Variants in FRAS1 observed in about 807,000 individuals in gnomAD.
FRAS1 encodes the protein Fraser extracellular matrix complex subunit 1.
Under a neutral mutation model 435.2 loss-of-function variants are expected in FRAS1, and 290 were observed. The ratio of observed to expected loss-of-function variants is 0.67; its 90% CI spans 0.61 to 0.73. The LOEUF (loss-of-function observed/expected upper bound fraction) is 0.73, where lower values mean the gene tolerates loss of function less well. FRAS1 is among the 30% of genes least tolerant of loss of function. The probability of loss-of-function intolerance (pLI) is 0.00; values close to 1 mark genes in which losing one functional copy is unlikely to be tolerated. For missense variants in FRAS1, 4,860 were observed against 5,001.5 expected, an observed-to-expected ratio of 0.97 and a Z score of 0.85; for synonymous variants, 1,800 against 1,851.0, an observed-to-expected ratio of 0.97 and a Z score of 0.71.
intron 2 of FRAS1, among the ~76,000 whole-genome samples, chr4:78,119,077 G>A (rs58969863): frequency 6.6e-6 from 1 of 151,926 alleles, no homozygotes; most frequent in Non-Finnish European, 1.5e-5. Flanking sequence ...AAAAATAATT[G>A]TATATATTCA....
intron 40 of FRAS1, 24 bp from the exon 41 acceptor site, chr4:78,441,136 ACT>A: frequency 1.9e-6 from 3 of 1,611,534 alleles, no homozygotes; most frequent in East Asian, 2.2e-5. Flanking sequence ...ATCACCAAGG[ACT>A]CTCTATGTTC....
At chr4:78,438,842 G>C (rs1734535472) in intron 39 of FRAS1, 60 bp from the exon 40 acceptor site, 1 of 1,526,528 alleles carries the variant, frequency 6.6e-7, no homozygotes, top group African/African-American at 1.4e-5. Flanking sequence ...CAAAGATGCT[G>C]CTGTCTTACC....
At chr4:78,334,304 A>C (rs1730073342) in intron 19 of FRAS1, among the ~76,000 whole-genome samples, 1 of 151,882 alleles carries the variant, frequency 6.6e-6, no homozygotes, top group South Asian at 2.1e-4. Flanking sequence ...ATAATTGAGA[A>C]TAAATTAGAG....
intron 2 of FRAS1, among the ~76,000 whole-genome samples, chr4:78,126,121 G>T (rs1158773975): frequency 6.6e-6 from 1 of 152,162 alleles, no homozygotes; most frequent in East Asian, 1.9e-4. Flanking sequence ...ATGCCCCTCT[G>T]CCTGCCAAGC....
chr4:78,412,315 GT>G (rs1733370705), intron 31 of FRAS1, among the ~76,000 whole-genome samples: 1 of 152,230 alleles, frequency 6.6e-6, no homozygotes, highest in African/African-American at 2.4e-5. Context: ...GAGAAAGAAG[GT>G]TTAAGAGGGT....
chr4:78,061,942 A>G (rs925294939), intron 1 of FRAS1, among the ~76,000 whole-genome samples: 1 of 152,180 alleles, frequency 6.6e-6, no homozygotes, highest in Non-Finnish European at 1.5e-5. Context: ...GTAACTTTGC[A>G]TCCTTTGGCT....
chr4:78,281,018 A>C (rs933505423), intron 10 of FRAS1, among the ~76,000 whole-genome samples: 15 of 152,318 alleles, frequency 9.8e-5, no homozygotes, highest in African/African-American at 3.1e-4. Context: ...TTTTGGAGAT[A>C]AACTCAGTGA....
intron 2 of FRAS1, among the ~76,000 whole-genome samples, chr4:78,224,268 A>T (rs1409813980): frequency 6.6e-6 from 1 of 152,252 alleles, no homozygotes; most frequent in Non-Finnish European, 1.5e-5. Flanking sequence ...CCTTGACGCC[A>T]GTCAGTCCTA....
intron 16 of FRAS1, 59 bp downstream of exon 16, chr4:78,315,793 C>T: frequency 6.3e-7 from 1 of 1,585,604 alleles, no homozygotes; most frequent in East Asian, 2.2e-5. Flanking sequence ...TTTGACTATA[C>T]TTGGTGTTAT....
intron 6 of FRAS1, among the ~76,000 whole-genome samples, chr4:78,259,492 G>A (rs1725969943): frequency 6.6e-6 from 1 of 151,750 alleles, no homozygotes; most frequent in South Asian, 2.1e-4. Context: ...TTTTTTGGCT[G>A]CATAAATGTC....
At chr4:78,187,895 G>T (rs1400043437) in intron 2 of FRAS1, among the ~76,000 whole-genome samples, 1 of 152,118 alleles carries the variant, frequency 6.6e-6, no homozygotes, top group African/African-American at 2.4e-5. Flanking sequence ...GAGCCACCAC[G>T]CCTGGCTCCT....
chr4:78,488,823 G>C, intron 58 of FRAS1, 52 bp from the exon 59 acceptor site: 1 of 1,537,138 alleles, frequency 6.5e-7, no homozygotes, highest in Admixed American at 1.8e-5. Context: ...CATGGCCACA[G>C]CTTCCCTGTC....
chr4:78,172,635 A>G (rs1022309309), intron 2 of FRAS1, among the ~76,000 whole-genome samples: 12 of 152,270 alleles, frequency 7.9e-5, no homozygotes, highest in African/African-American at 2.9e-4. Context: ...CTGACACTAA[A>G]CAACTAATTT....
At chr4:78,230,267 A>G (rs1418925817) in intron 2 of FRAS1, among the ~76,000 whole-genome samples, 1 of 152,220 alleles carries the variant, frequency 6.6e-6, no homozygotes, top group African/African-American at 2.4e-5. Flanking sequence ...CAAGCCTTTG[A>G]AATAGGTCTC....
intron 2 of FRAS1, among the ~76,000 whole-genome samples, chr4:78,177,145 T>A (rs537463895): frequency 6.6e-6 from 1 of 150,384 alleles, no homozygotes; most frequent in African/African-American, 2.5e-5. Flanking sequence ...TGGAGTGCAG[T>A]GGCGCTATCT....
At chr4:78,446,649 G>C (rs576494345) in intron 42 of FRAS1, 78 bp from the exon 43 acceptor site, 81 of 1,516,322 alleles carry the variant, frequency 5.3e-5, no homozygotes, top group Admixed American at 4.0e-4. Context: ...CTGTAGCAAT[G>C]ATACTGTCTC....
At chr4:78,384,950 A>G (rs956983236) in intron 28 of FRAS1, among the ~76,000 whole-genome samples, 1 of 151,808 alleles carries the variant, frequency 6.6e-6, no homozygotes, top group Non-Finnish European at 1.5e-5. Flanking sequence ...ATCTTTAGGT[A>G]AAGGAGTTTG....
chr4:78,199,593 CAATT>C (rs1456697234), intron 2 of FRAS1, among the ~76,000 whole-genome samples: 1 of 152,128 alleles, frequency 6.6e-6, no homozygotes, highest in African/African-American at 2.4e-5. Context: ...TATTTTGAAA[CAATT>C]AGTATTTCCA....
intron 14 of FRAS1, among the ~76,000 whole-genome samples, chr4:78,305,181 A>T (rs1200374135): frequency 5.3e-5 from 8 of 151,812 alleles, no homozygotes; most frequent in South Asian, 2.1e-4. Flanking sequence ...TTTGAGTGAG[A>T]TTCTTAATCC....
Sources: gnomAD v4.1 joint callset for allele counts (sites outside exome capture counted in the v4.1 genomes callset) on GRCh38, gnomAD v4.1.1 for gene constraint, MANE v1.5 for transcripts, NCBI Gene and HGNC (gene_info 2026-07-23, HGNC 2026-07-21) for gene names.